USP38: variants seen among roughly 807,000 people sequenced by gnomAD.
The protein encoded by USP38 is ubiquitin specific peptidase 38, also known as ubiquitin carboxyl-terminal hydrolase 38.
USP38 carries 49 observed loss-of-function variants against 94.3 expected under a neutral mutation model. The observed-to-expected ratio is 0.52, with a 90% CI of 0.41 to 0.66. The LOEUF is 0.66. Ranked by LOEUF, USP38 falls within the 30% of genes least tolerant of loss-of-function variation. The pLI is 0.00. For synonymous variants in USP38, 468 were observed against 463.6 expected (o/e 1.01, Z -0.12); for missense variants, 1,128 against 1,229.4 (o/e 0.92, Z 1.23).
chr4:143,219,903 T>G (rs534087379), intron 9 of USP38, among the ~76,000 whole-genome samples: 1 of 152,222 alleles, frequency 6.6e-6, no homozygotes, highest in African/African-American at 2.4e-5. Context: ...GTCAGTGTTC[T>G]TTGAGACCTG....
chr4:143,204,552 G>T (rs941984209), intron 5 of USP38: 4 of 364,558 alleles, frequency 1.1e-5, no homozygotes, highest in Non-Finnish European at 1.6e-5. Context: ...ACCACGCCAG[G>T]CTAACTTTTT....
intron 3 of USP38, 112 bp downstream of exon 3, chr4:143,195,957 TG>T (rs1581158351): frequency 1.9e-6 from 2 of 1,060,046 alleles, no homozygotes; most frequent in Non-Finnish European, 2.6e-6. Flanking sequence ...ATTGTTGTTT[TG>T]TTTTGAATAA....
intron 9 of USP38, among the ~76,000 whole-genome samples, chr4:143,219,462 A>AATAGTGTTT (rs908058745): frequency 6.6e-6 from 1 of 152,096 alleles, no homozygotes; most frequent in African/African-American, 2.4e-5. Context: ...AAATCGAAAT[A>AATAGTGTTT]ATAGTGTTTT....
intron 9 of USP38, among the ~76,000 whole-genome samples, chr4:143,218,135 G>T (rs753649322): frequency 2.0e-5 from 3 of 151,992 alleles, no homozygotes; most frequent in Non-Finnish European, 2.9e-5. Flanking sequence ...CTTTGGAGGA[G>T]GCAGTAGTTC....
In USP38 at chr4:143,203,524, T is replaced by C; in HGVS notation, c.1167T>C (p.Ser389=). The change falls in exon 5 of 10, where the codon TCT becomes TCC. Residue 389 remains serine, a synonymous_variant. Transcript: ENST00000307017. Reference sequence around the variant, plus strand: ...TACACTGTATGATGTATCATTATTCTGGATTTCCAGATCTCTATGAACCTA... The same window carrying C: ...TACACTGTATGATGTATCATTATTCCGGATTTCCAGATCTCTATGAACCTA... ...ELIHCMMYHY[S]GFPDLYEPIL... is the part of the protein sequence containing the mutation. The C allele has an allele frequency of 6.2e-7, 1 of 1,613,030 alleles. No homozygotes were observed.
Position 143,203,478 on chromosome 4 carries a change from T to C in USP38, c.1121T>C (p.Leu374Ser). Residue 374 changes from leucine (L) to serine (S), a missense_variant, in exon 5 of 10, where the codon TTA (leucine) becomes TCA (serine). Physicochemically the swap from Leu to Ser is moderately radical, Grantham distance 145. Transcript: ENST00000307017. ...NDGLPSSTAF[L>S]VQLTELIHCM... ...GGTCTGCCTTCAAGTACAGCCTTCT[T>C]AGTACAATTAACAGAATTGATACAC... 1 of 1,613,426 alleles carries C rather than the reference T, an allele frequency of 6.2e-7. No homozygotes were observed. The highest frequency in any genetic ancestry group is 1.1e-5 in the South Asian group (1 of 91,056).
At chr4:143,197,978 G>GT in intron 4 of USP38, 54 bp downstream of exon 4, 1 of 1,298,418 alleles carries the variant, frequency 7.7e-7, no homozygotes. Flanking sequence ...TGAAAATTTA[G>GT]TTTAATATTG....
Position 143,203,395 on chromosome 4 carries a change from TTTTTC to T in USP38, c.1051-7_1051-3del. The T allele has an allele frequency of 6.2e-7, 1 of 1,603,318 alleles. No individual in the cohort carries two copies. On this transcript the variant is annotated splice_polypyrimidine_tract_variant and splice_region_variant and intron_variant, in intron 4 of 9. Transcript: ENST00000307017. ...GTATAAATTCAGCATTGTTTATCCTTTTTTCTTTTCAGATTGTTCCTCATGTGGTT... is the reference window on the plus strand; with the variant it reads ...GTATAAATTCAGCATTGTTTATCCTTTTTTCAGATTGTTCCTCATGTGGTT...
chr4:143,212,761 A>C (rs1732063530), intron 8 of USP38, among the ~76,000 whole-genome samples: 1 of 152,148 alleles, frequency 6.6e-6, no homozygotes, highest in Non-Finnish European at 1.5e-5. Context: ...ATATAACAAT[A>C]GAATGCAGAG....
intron 4 of USP38, among the ~76,000 whole-genome samples, chr4:143,199,104 A>G (rs1010777746): frequency 2.0e-5 from 3 of 152,200 alleles, no homozygotes; most frequent in Non-Finnish European, 4.4e-5. Context: ...CCAGTACCCA[A>G]TAGTTATCTT....
chr4:143,187,789 T>G, intron 1 of USP38, 37 bp from the exon 2 acceptor site: 1 of 1,578,736 alleles, frequency 6.3e-7, no homozygotes, highest in Non-Finnish European at 8.6e-7. Flanking sequence ...TTGAACCTAC[T>G]TGCCATGTTC....
rs749625606 is a variant in USP38, at chr4:143,197,907, C to T, written c.1033C>T (p.Pro345Ser). 39 of 1,612,200 alleles carry T rather than the reference C, an allele frequency of 2.4e-5. No individual in the cohort carries two copies. Among genetic ancestry groups the T allele is most frequent in the Non-Finnish European group, 3.3e-5 (39 of 1,178,986 alleles). The change falls in exon 4 of 10, where the codon CCA becomes TCA. Residue 345 changes from proline (P) to serine (S), a missense_variant. Physicochemically the swap from Pro to Ser is moderately conservative, Grantham distance 74. Transcript: ENST00000307017. ...SHMLLSFQHS[P>S]EAFHLIVPHV... ...CATGCTGCTTAGCTTTCAGCATTCT[C>T]CAGAGGCGTTCCATTTGGTAAGTTA...
intron 2 of USP38, among the ~76,000 whole-genome samples, chr4:143,189,557 C>T (rs1481873248): frequency 2.0e-5 from 3 of 152,038 alleles, no homozygotes; most frequent in East Asian, 3.8e-4. Flanking sequence ...TTTTCTCCAC[C>T]GTATCCCCCT....
chr4:143,216,460 T>G lies in USP38; in HGVS notation c.2967+1517T>G, dbSNP rs76241863. 2.8e-3 allele frequency among the ~76,000 whole-genome samples: 430 copies of G among 151,224 alleles called. 5 individuals are homozygous for G. The highest frequency in any genetic ancestry group is 0.01 in the Middle Eastern group (3 of 292). ...TCAGAGTACCCTTTTAAAGCAAAAATACAATAATAAATATTCAATTTTTTT... is the reference window on the plus strand; with the variant it reads ...TCAGAGTACCCTTTTAAAGCAAAAAGACAATAATAAATATTCAATTTTTTT... On this transcript the variant is annotated intron_variant, in intron 9 of 9. Coordinates refer to ENST00000307017, the MANE Select transcript of USP38 (RefSeq NM_032557.6).
intron 6 of USP38, among the ~76,000 whole-genome samples, chr4:143,206,924 G>GT (rs1291696070): frequency 1.3e-5 from 2 of 152,244 alleles, no homozygotes; most frequent in South Asian, 2.1e-4. Context: ...TGTTTGAGAA[G>GT]TTTAAGTTCT....
At chr4:143,202,418 C>T (rs1731740606) in intron 4 of USP38, among the ~76,000 whole-genome samples, 1 of 151,794 alleles carries the variant, frequency 6.6e-6, no homozygotes, top group African/African-American at 2.4e-5. Context: ...ATGGTACGAC[C>T]CTAATAGTTA....
chr4:143,209,570 G>A lies in USP38; in HGVS notation c.1410G>A (p.Arg470=), dbSNP rs1312178504. The A allele has an allele frequency of 8.3e-6, 13 of 1,557,286 alleles. No homozygotes were observed. The highest frequency in any genetic ancestry group is 9.7e-6 in the Non-Finnish European group (11 of 1,132,704). The change falls in exon 7 of 10, where the codon AGG becomes AGA. Residue 470 remains arginine (R), a synonymous_variant. Transcript: ENST00000307017. ...TCATTATATTCTCTTTCAGTTTCAG[G>A]AGACAAGTATTATCTTTAAATCTAA... ...IQALFMATDF[R]RQVLSLNLNG...
rs1244774232 is a variant in USP38 at position 143,214,137 on chromosome 4, T to A, written c.2161T>A (p.Leu721Ile). 1.2e-5 allele frequency: 20 copies of A among 1,612,762 alleles called. No individual in the cohort carries two copies. Among genetic ancestry groups the A allele is most frequent in the Non-Finnish European group, 1.5e-5 (18 of 1,179,598 alleles). The change falls in exon 9 of 10, where the codon TTA becomes ATA. Residue 721 changes from leucine (L) to isoleucine (I), a missense_variant. Physicochemically the swap from Leu to Ile is conservative, Grantham distance 5 (BLOSUM62 2). Transcript: ENST00000307017. ...GGETTPSVTD[L>I]LNYFLAPEIL... The stretch of plus-strand genomic sequence containing the variant: ...TGAAACCACACCTTCAGTAACTGAC[T>A]TACTAAATTATTTTTTGGCTCCAGA...
At chr4:143,219,264 G>A (rs1042930074) in intron 9 of USP38, among the ~76,000 whole-genome samples, 13 of 152,040 alleles carry the variant, frequency 8.6e-5, no homozygotes, top group African/African-American at 3.1e-4. Context: ...GATGCTGCAT[G>A]CTACTGAAAA....
Sources: allele counts gnomAD v4.1 joint callset (sites outside exome capture counted in the v4.1 genomes callset), GRCh38; gene constraint gnomAD v4.1.1; transcripts MANE v1.5; gene names NCBI Gene and HGNC (gene_info 2026-07-23, HGNC 2026-07-21).